Variants in HECW2 observed in about 807,000 individuals in gnomAD.
HECW2 encodes E3 ubiquitin-protein ligase HECW2.
A neutral mutation model predicts 175.2 loss-of-function variants in HECW2; 61 were observed. The ratio of observed to expected loss-of-function variants is 0.35; its 90% CI spans 0.28 to 0.43. The LOEUF (loss-of-function observed/expected upper bound fraction) is 0.43, where lower values mean the gene tolerates loss of function less well. Among genes scored for constraint, HECW2 ranks in the 20% least tolerant of loss-of-function variants. The pLI is 1.00. For synonymous variants in HECW2, 671 were observed against 731.0 expected (o/e 0.92, Z 1.32); for missense variants, 1,524 against 2,000.5 (o/e 0.76, Z 4.54).
intron 19 of HECW2, among the ~76,000 whole-genome samples, chr2:196,249,864 C>A (rs904213340): frequency 6.6e-6 from 1 of 152,234 alleles, no homozygotes; most frequent in African/African-American, 2.4e-5. Context: ...AAAACCACCA[C>A]AAACACTGCT....
intron 1 of HECW2, among the ~76,000 whole-genome samples, chr2:196,462,316 A>G (rs1696780108): frequency 6.6e-6 from 1 of 152,188 alleles, no homozygotes; most frequent in Non-Finnish European, 1.5e-5. Context: ...TATGTGCAAT[A>G]AATTGACCTA....
intron 1 of HECW2, among the ~76,000 whole-genome samples, chr2:196,498,184 T>C (rs1687460876): frequency 6.6e-6 from 1 of 152,210 alleles, no homozygotes; most frequent in Non-Finnish European, 1.5e-5. Context: ...ATAATGTCAC[T>C]CCTAATAACT....
At chr2:196,461,004 T>C (rs1259795710) in intron 1 of HECW2, among the ~76,000 whole-genome samples, 1 of 152,062 alleles carries the variant, frequency 6.6e-6, no homozygotes, top group African/African-American at 2.4e-5. Context: ...TGAGATAAAA[T>C]GCCTGAATTA....
chr2:196,242,217 A>C lies in HECW2; in HGVS notation c.3530-13T>G. ...GCACGCTGGGTACCTGCAGCAAACC[A>C]CAAAGAGAGGACAATCTGGATTTGT... On this transcript the variant is annotated splice_polypyrimidine_tract_variant and intron_variant, in intron 19 of 28. Transcript: ENST00000644978. 6.2e-7 allele frequency: 1 copy of C among 1,614,096 alleles called. No homozygotes were observed. The highest frequency in any genetic ancestry group is 8.5e-7 in the Non-Finnish European group (1 of 1,180,012).
chr2:196,288,246 C>T (rs906734316), intron 14 of HECW2: 6 of 152,124 alleles, frequency 3.9e-5, no homozygotes, highest in Non-Finnish European at 1.5e-5. Context: ...TTCTAAAACC[C>T]TAGTTTCATG....
At chr2:196,402,383 A>G (rs1213689331) in intron 2 of HECW2, among the ~76,000 whole-genome samples, 1 of 152,128 alleles carries the variant, frequency 6.6e-6, no homozygotes, top group Non-Finnish European at 1.5e-5. Context: ...TTTTATTCTT[A>G]GTCAAAGAAA....
chr2:196,414,005 C>A (rs1303273291), intron 2 of HECW2, among the ~76,000 whole-genome samples: 1 of 152,344 alleles, frequency 6.6e-6, no homozygotes, highest in South Asian at 2.1e-4. Flanking sequence ...GTGATCACTA[C>A]TCTGCAGCTC....
chr2:196,297,144 A>G (rs1211688946), intron 13 of HECW2, among the ~76,000 whole-genome samples: 1 of 152,210 alleles, frequency 6.6e-6, no homozygotes, highest in Non-Finnish European at 1.5e-5. Flanking sequence ...GGAATTGGTA[A>G]TTGTTAATAG....
At chr2:196,342,328 C>T (rs569160593) in intron 3 of HECW2, among the ~76,000 whole-genome samples, 8 of 150,614 alleles carry the variant, frequency 5.3e-5, no homozygotes, top group East Asian at 2.0e-4. Flanking sequence ...TGCTTGAACC[C>T]GGGAGGCGGA....
intron 1 of HECW2, among the ~76,000 whole-genome samples, chr2:196,533,047 G>A (rs1189184729): frequency 6.6e-6 from 1 of 152,132 alleles, no homozygotes; most frequent in Admixed American, 6.5e-5. Flanking sequence ...TTTCTGGTGT[G>A]GAGACCAACT....
intron 22 of HECW2, 147 bp downstream of exon 22, chr2:196,227,955 T>C: frequency 1.5e-6 from 1 of 659,320 alleles, no homozygotes; most frequent in African/African-American, 1.9e-5. Flanking sequence ...AATTTGACAA[T>C]AAAAACAAGA....
chr2:196,234,493 C>T (rs1194218892), intron 21 of HECW2, among the ~76,000 whole-genome samples: 8 of 152,046 alleles, frequency 5.3e-5, no homozygotes, highest in African/African-American at 1.9e-4. Flanking sequence ...TGGGGTCTCA[C>T]TATGTTGCCC....
chr2:196,252,164 G>A (rs550124222), intron 19 of HECW2, among the ~76,000 whole-genome samples: 7 of 95,322 alleles, frequency 7.3e-5, no homozygotes, highest in East Asian at 2.8e-4. Flanking sequence ...GCGAAGAAGT[G>A]TGACTCCGAT....
At chr2:196,408,914 G>C (rs2125223231) in intron 2 of HECW2, among the ~76,000 whole-genome samples, 1 of 152,274 alleles carries the variant, frequency 6.6e-6, no homozygotes, top group South Asian at 2.1e-4. Context: ...TCTCACAAAA[G>C]GTTGGTCACT....
intron 1 of HECW2, among the ~76,000 whole-genome samples, chr2:196,458,588 CT>C (rs1256319601): frequency 6.6e-6 from 1 of 152,148 alleles, no homozygotes; most frequent in Non-Finnish European, 1.5e-5. Flanking sequence ...CAAGTGTAGG[CT>C]GGGCGTGGTG....
intron 1 of HECW2, among the ~76,000 whole-genome samples, chr2:196,486,037 T>TC (rs1686990817): frequency 6.6e-6 from 1 of 152,178 alleles, no homozygotes. Context: ...ACCTATAATT[T>TC]CCCCACTATA....
At chr2:196,308,138 A>T in intron 10 of HECW2, 53 bp from the exon 11 acceptor site, 2 of 1,350,242 alleles carry the variant, frequency 1.5e-6, no homozygotes, top group Non-Finnish European at 2.0e-6. Context: ...TGAGATGATT[A>T]ATAGGGTTCA....
intron 2 of HECW2, among the ~76,000 whole-genome samples, chr2:196,367,963 CATAT>C (rs1693794700): frequency 6.7e-6 from 1 of 149,314 alleles, no homozygotes; most frequent in Non-Finnish European, 1.5e-5. Context: ...ATATATGATA[CATAT>C]ATGAGATACA....
At chr2:196,524,492 TTTTAG>T (rs1214135034) in intron 1 of HECW2, among the ~76,000 whole-genome samples, 1 of 64,838 alleles carries the variant, frequency 1.5e-5, no homozygotes, top group East Asian at 3.1e-4. Flanking sequence ...TCTGCTCTGA[TTTTAG>T]TTATTTCTTG....
Sources: gnomAD v4.1 joint callset for allele counts (sites outside exome capture counted in the v4.1 genomes callset) on GRCh38, gnomAD v4.1.1 for gene constraint, MANE v1.5 for transcripts, NCBI Gene and HGNC (gene_info 2026-07-23, HGNC 2026-07-21) for gene names.